Variants in OLA1 observed in about 807,000 individuals in gnomAD.
OLA1 encodes the protein obg-like ATPase 1.
OLA1 carries 14 observed loss-of-function variants against 48.4 expected under a neutral mutation model. That is an observed-to-expected ratio of 0.29 (90% CI 0.19 to 0.45). The LOEUF is 0.45. Among genes scored for constraint, OLA1 ranks in the 20% least tolerant of loss-of-function variants. The probability of loss-of-function intolerance (pLI) is 1.00; values close to 1 mark genes in which losing one functional copy is unlikely to be tolerated. For synonymous variants in OLA1, 127 were observed against 150.4 expected, an observed-to-expected ratio of 0.84 and a Z score of 1.14; for missense variants, 325 against 467.1, an observed-to-expected ratio of 0.70 and a Z score of 2.80.
chr2:174,111,569 C>T (rs765433799), intron 7 of OLA1, among the ~76,000 whole-genome samples: 2 of 152,034 alleles, frequency 1.3e-5, no homozygotes, highest in African/African-American at 4.8e-5. Context: ...TAGTTTTGCC[C>T]GACCTGGATG....
chr2:174,244,680 G>T (rs956142929), intron 2 of OLA1, among the ~76,000 whole-genome samples: 1 of 151,718 alleles, frequency 6.6e-6, no homozygotes, highest in Admixed American at 6.6e-5. Context: ...CTGGGGTGCA[G>T]TGGCGGGACC....
At chr2:174,177,658 C>T (rs1687448902) in intron 4 of OLA1, among the ~76,000 whole-genome samples, 1 of 152,044 alleles carries the variant, frequency 6.6e-6, no homozygotes, top group African/African-American at 2.4e-5. Context: ...AGCTAGAAAC[C>T]TTAAGCAAAT....
At chr2:174,205,422 C>G (rs894028622) in intron 4 of OLA1, among the ~76,000 whole-genome samples, 1 of 152,144 alleles carries the variant, frequency 6.6e-6, no homozygotes, top group Non-Finnish European at 1.5e-5. Flanking sequence ...TCCCAGAAAT[C>G]TATAAAGTAA....
chr2:174,166,399 G>T (rs1052656072), intron 4 of OLA1, among the ~76,000 whole-genome samples: 2 of 152,172 alleles, frequency 1.3e-5, no homozygotes, highest in Non-Finnish European at 2.9e-5. Context: ...GATACAAGAA[G>T]ACAAGGAAGC....
intron 7 of OLA1, among the ~76,000 whole-genome samples, chr2:174,094,421 T>C (rs139421082): frequency 1.3e-5 from 2 of 152,262 alleles, no homozygotes; most frequent in African/African-American, 4.8e-5. Flanking sequence ...CCCCAGAAAC[T>C]GACAAGTCAA....
intron 7 of OLA1, among the ~76,000 whole-genome samples, chr2:174,090,490 G>A (rs750485196): frequency 6.6e-6 from 1 of 152,234 alleles, no homozygotes; most frequent in Non-Finnish European, 1.5e-5. Flanking sequence ...GTTTGAGGGG[G>A]CATGTGAACC....
intron 4 of OLA1, among the ~76,000 whole-genome samples, chr2:174,168,769 CTATCTAT>C (rs1687228424): frequency 8.2e-6 from 1 of 122,498 alleles, no homozygotes; most frequent in Non-Finnish European, 1.7e-5. Context: ...ATCTATCTAT[CTATCTAT>C]CTATCTATCT....
intron 5 of OLA1, among the ~76,000 whole-genome samples, chr2:174,141,223 C>A (rs1198282830): frequency 6.6e-6 from 1 of 152,252 alleles, no homozygotes; most frequent in Non-Finnish European, 1.5e-5. Flanking sequence ...TGAGCCACCA[C>A]GCCTGGCCAG....
At chr2:174,247,651 C>T (rs1207265020) in intron 1 of OLA1, 2 of 1,550,554 alleles carry the variant, frequency 1.3e-6, no homozygotes, top group African/African-American at 2.7e-5. Flanking sequence ...CCCCATTTTT[C>T]ACATAGATGA....
intron 7 of OLA1, among the ~76,000 whole-genome samples, chr2:174,084,649 C>G (rs768322401): frequency 2.0e-5 from 3 of 152,104 alleles, no homozygotes; most frequent in South Asian, 2.1e-4. Flanking sequence ...CCATGGGGAC[C>G]AGTTACCTTT....
At chr2:174,188,294 C>T (rs938236501) in intron 4 of OLA1, among the ~76,000 whole-genome samples, 11 of 152,028 alleles carry the variant, frequency 7.2e-5, no homozygotes, top group Non-Finnish European at 1.2e-4. Context: ...AAAAAGCCAT[C>T]GAGCAGAATG....
At position 174,162,289 on chromosome 2, in the gene OLA1, G is replaced by A. The variant is rs571381223; in HGVS notation, c.374-20289C>T. On this transcript the variant is annotated intron_variant, in intron 4 of 10. Transcript: ENST00000284719. ...GAAAATGGAATTCCCAGGAAGGCACGAATGTTTTACAAGAGGCAGTAACAT... is the reference window on the plus strand; with the variant it reads ...GAAAATGGAATTCCCAGGAAGGCACAAATGTTTTACAAGAGGCAGTAACAT... Among the ~76,000 whole-genome samples the A allele has an allele frequency of 1.8e-3, 273 of 152,216 alleles. 1 individual carries two copies. The highest frequency in any genetic ancestry group is 6.3e-3 in the African/African-American group (261 of 41,522).
chr2:174,219,648 T>G (rs371524526), intron 4 of OLA1, among the ~76,000 whole-genome samples: 5 of 151,980 alleles, frequency 3.3e-5, no homozygotes, highest in African/African-American at 1.2e-4. Flanking sequence ...CAGACTGGTC[T>G]TGAACTCAAG....
chr2:174,207,616 G>C (rs1688146188), intron 4 of OLA1, among the ~76,000 whole-genome samples: 1 of 151,990 alleles, frequency 6.6e-6, no homozygotes. Context: ...GCAAGAGATG[G>C]AATTATTTTT....
chr2:174,161,493 G>A (rs1394483608), intron 4 of OLA1, among the ~76,000 whole-genome samples: 2 of 151,920 alleles, frequency 1.3e-5, no homozygotes, highest in Non-Finnish European at 2.9e-5. Context: ...ATATTGACCA[G>A]GAGCAGTGGT....
At chr2:174,230,088 A>T (rs1688694359) in intron 2 of OLA1, among the ~76,000 whole-genome samples, 1 of 152,204 alleles carries the variant, frequency 6.6e-6, no homozygotes, top group Non-Finnish European at 1.5e-5. Flanking sequence ...TACTTTTCTA[A>T]TCATTTGACT....
At chr2:174,149,761 A>G (rs1686701964) in intron 4 of OLA1, among the ~76,000 whole-genome samples, 1 of 152,192 alleles carries the variant, frequency 6.6e-6, no homozygotes, top group African/African-American at 2.4e-5. Flanking sequence ...AAATGGACTG[A>G]AGATTAATCA....
chr2:174,154,501 CT>C (rs1294986042), intron 4 of OLA1, among the ~76,000 whole-genome samples: 1 of 151,400 alleles, frequency 6.6e-6, no homozygotes, highest in Non-Finnish European at 1.5e-5. Context: ...AAAATCCTTT[CT>C]TTCTATTACA....
intron 7 of OLA1, among the ~76,000 whole-genome samples, chr2:174,101,657 C>T (rs1221848140): frequency 6.6e-6 from 1 of 152,110 alleles, no homozygotes; most frequent in Non-Finnish European, 1.5e-5. Context: ...GTGTTTGAAG[C>T]TAATCAGAAT....
Sources: allele counts gnomAD v4.1 joint callset (sites outside exome capture counted in the v4.1 genomes callset), GRCh38; gene constraint gnomAD v4.1.1; transcripts MANE v1.5; gene names NCBI Gene and HGNC (gene_info 2026-07-23, HGNC 2026-07-21).